The following PADI1 variants were observed in gnomAD, a reference collection of about 807,000 sequenced individuals.
The protein encoded by PADI1 is protein-arginine deiminase type-1.
Under a neutral mutation model 74.8 loss-of-function variants are expected in PADI1, and 65 were observed. That is an observed-to-expected ratio of 0.87 (90% CI 0.71 to 1.07). The LOEUF is 1.07. PADI1 is among the 50% of genes least tolerant of loss of function. The pLI, the probability that PADI1 is intolerant of heterozygous loss-of-function variation, is 0.00. For missense variants in PADI1, 943 were observed against 854.0 expected (o/e 1.10, Z -1.30); for synonymous variants, 371 against 336.2 (o/e 1.10, Z -1.13).
At chr1:17,226,292 C>G in intron 6 of PADI1, 134 bp downstream of exon 6, 1 of 935,090 alleles carries the variant, frequency 1.1e-6, no homozygotes, top group Non-Finnish European at 1.6e-6. Flanking sequence ...TCCATCAGTA[C>G]CAAATATAGT....
intron 1 of PADI1, among the ~76,000 whole-genome samples, chr1:17,216,197 C>T (rs1015504762): frequency 6.6e-6 from 1 of 152,166 alleles, no homozygotes; most frequent in African/African-American, 2.4e-5. Context: ...AGCCTCTGAG[C>T]AGGAGGGATG....
intron 2 of PADI1, among the ~76,000 whole-genome samples, chr1:17,223,034 A>G (rs2072203713): frequency 1.3e-5 from 2 of 152,196 alleles, no homozygotes; most frequent in Non-Finnish European, 2.9e-5. Flanking sequence ...GGAGGGGCTC[A>G]GGAGCCCACT....
intron 1 of PADI1, among the ~76,000 whole-genome samples, chr1:17,214,878 C>CA (rs2071932340): frequency 6.6e-6 from 1 of 152,262 alleles, no homozygotes; most frequent in Admixed American, 6.5e-5. Context: ...GAATCAAAGG[C>CA]AGCGCAGGGC....
intron 8 of PADI1, 44 bp downstream of exon 8, chr1:17,229,095 G>T (rs1287445102): frequency 7.9e-7 from 1 of 1,267,502 alleles, no homozygotes; most frequent in South Asian, 1.3e-5. Context: ...CTGGAGTGCA[G>T]AGGTAGGGAC....
At chr1:17,228,546 G>C (rs1557469642) in intron 6 of PADI1, 79 bp from the exon 7 acceptor site, 2 of 1,494,918 alleles carry the variant, frequency 1.3e-6, no homozygotes, top group South Asian at 1.1e-5. Context: ...AACCACAAAG[G>C]GGGCTCTGTC....
Position 17,244,244 on chromosome 1 carries a change from G to C in PADI1, c.*1G>C. 1 of 1,610,880 alleles carries C rather than the reference G, an allele frequency of 6.2e-7. No individual in the cohort carries two copies. The highest frequency in any genetic ancestry group is 8.5e-7 in the Non-Finnish European group (1 of 1,177,034). On this transcript the variant is annotated 3_prime_UTR_variant, in exon 16 of 16. Transcript: ENST00000375471. ...CAAATGGTGGAACATGGTGCCCTGA[G>C]CCTGCCCCCACCCGCCATCCTCTCT...
At chr1:17,232,766 G>A in intron 10 of PADI1, 53 bp from the exon 11 acceptor site, 2 of 1,557,310 alleles carry the variant, frequency 1.3e-6, no homozygotes, top group South Asian at 1.2e-5. Context: ...GCCTCGTCCT[G>A]TCCTCACTGA....
intron 1 of PADI1, among the ~76,000 whole-genome samples, chr1:17,217,143 C>G (rs1286404236): frequency 1.3e-5 from 2 of 152,024 alleles, no homozygotes; most frequent in Admixed American, 1.3e-4. Context: ...TGTAGGGATT[C>G]TGCCCGTTGC....
At chr1:17,222,561 TC>T in intron 2 of PADI1, 91 bp downstream of exon 2, 1 of 993,470 alleles carries the variant, frequency 1.0e-6, no homozygotes, top group Non-Finnish European at 1.6e-6. Flanking sequence ...ATTCCAAAGC[TC>T]CCCACTTAAC....
At chr1:17,235,212 G>A (rs991533750) in intron 11 of PADI1, among the ~76,000 whole-genome samples, 1 of 124,886 alleles carries the variant, frequency 8.0e-6, no homozygotes, top group South Asian at 3.0e-4. Context: ...GAGGGAGGGA[G>A]GAAGGGAAGG....
chr1:17,210,183 G>A (rs1243705678), intron 1 of PADI1, among the ~76,000 whole-genome samples: 1 of 151,606 alleles, frequency 6.6e-6, no homozygotes, highest in Non-Finnish European at 1.5e-5. Flanking sequence ...TTTGAGACAA[G>A]GTCTCGTTCT....
chr1:17,236,370 A>G (rs998654757), intron 11 of PADI1, among the ~76,000 whole-genome samples: 3 of 152,228 alleles, frequency 2.0e-5, no homozygotes, highest in African/African-American at 7.2e-5. Flanking sequence ...TAAATGAGGT[A>G]GCCTGGGTAA....
At chr1:17,210,454 GCC>G in intron 1 of PADI1, among the ~76,000 whole-genome samples, 1 of 152,192 alleles carries the variant, frequency 6.6e-6, no homozygotes. Flanking sequence ...CTGGTCCCCA[GCC>G]CCTGTTTATC....
intron 1 of PADI1, among the ~76,000 whole-genome samples, chr1:17,219,316 C>T (rs907543635): frequency 1.3e-5 from 2 of 151,634 alleles, no homozygotes; most frequent in South Asian, 2.1e-4. Context: ...CAGTGGGGGG[C>T]GAGTAGAGAG....
intron 6 of PADI1, among the ~76,000 whole-genome samples, chr1:17,226,749 A>C (rs2008313): frequency 6.6e-6 from 1 of 152,162 alleles, no homozygotes; most frequent in African/African-American, 2.4e-5. Context: ...CCCTGTCTCT[A>C]TTAAAAATAC....
At chr1:17,236,026 A>G (rs1293145769) in intron 11 of PADI1, among the ~76,000 whole-genome samples, 10 of 152,092 alleles carry the variant, frequency 6.6e-5, no homozygotes, top group Middle Eastern at 3.2e-3. Flanking sequence ...AGGGTTGGCT[A>G]CGTATTAGGA....
At chr1:17,226,428 G>C (rs1006574796) in intron 6 of PADI1, among the ~76,000 whole-genome samples, 1 of 152,132 alleles carries the variant, frequency 6.6e-6, no homozygotes, top group Non-Finnish European at 1.5e-5. Flanking sequence ...CAGGTGTCTT[G>C]GGTGCACCAA....
rs770939485 is a variant in PADI1, at chr1:17,226,070, T to C, written c.564T>C (p.Asn188=). 2.6e-5 allele frequency: 42 copies of C among 1,614,066 alleles called. No individual in the cohort carries two copies. In the East Asian group the frequency reaches 8.2e-4, roughly 32 times the overall value. ...QDMSPMLLSC[N]GPDKLFDSHK... is the part of the protein sequence containing the mutation. ...TGTCCCCAATGCTGCTGAGCTGCAA[T>C]GGCCCCGACAAGCTCTTCGACAGCC... Residue 188 remains asparagine (N), a synonymous_variant, in exon 6 of 16, where the codon AAT becomes AAC. Transcript: ENST00000375471.
In PADI1 at chr1:17,237,883, G is replaced by A. The variant is rs549312422; in HGVS notation, c.1458+425G>A. Among the ~76,000 whole-genome samples the A allele has an allele frequency of 9.2e-5, 14 of 152,246 alleles. No homozygotes were observed. The East Asian group carries it at 2.5e-3, about 27-fold the overall frequency. On this transcript the variant is annotated intron_variant, in intron 12 of 15. Transcript: ENST00000375471. ...GTGTCAGGATAGGATTCAAATCCGG[G>A]TTCTGGGCCTCTACAGTAAGCCTTG... is the stretch of plus-strand genomic sequence containing the variant.
Sources: allele counts gnomAD v4.1 joint callset (sites outside exome capture counted in the v4.1 genomes callset), GRCh38; gene constraint gnomAD v4.1.1; transcripts MANE v1.5; gene names NCBI Gene and HGNC (gene_info 2026-07-23, HGNC 2026-07-21).